The following CRYBG1 variants were observed in gnomAD, a reference collection of about 807,000 sequenced individuals.
CRYBG1 encodes beta/gamma crystallin domain-containing protein 1.
A neutral mutation model predicts 189.2 loss-of-function variants in CRYBG1; 139 were observed. The ratio of observed to expected loss-of-function variants is 0.73; its 90% confidence interval spans 0.64 to 0.85. CRYBG1 has a LOEUF of 0.85. Among genes scored for constraint, CRYBG1 ranks in the 40% least tolerant of loss-of-function variants. The pLI is 0.00. For synonymous variants in CRYBG1, 1,023 were observed against 1,017.1 expected (o/e 1.01, Z -0.11); for missense variants, 2,611 against 2,675.8 (o/e 0.98, Z 0.53).
chr6:106,552,582 C>CAAAAAAAAA (rs58470981), intron 15 of CRYBG1, among the ~76,000 whole-genome samples: 5 of 67,622 alleles, frequency 7.4e-5, no homozygotes, highest in Admixed American at 2.1e-4. Flanking sequence ...GACTCTGTCT[C>CAAAAAAAAA]AAAAAAAAAA....
chr6:106,427,884 T>G (rs1266534712), intron 1 of CRYBG1, among the ~76,000 whole-genome samples: 1 of 152,178 alleles, frequency 6.6e-6, no homozygotes, highest in East Asian at 1.9e-4. Flanking sequence ...ACGCTTGGCC[T>G]TTTTCACTTT....
chr6:106,470,180 C>G (rs546226519), intron 2 of CRYBG1, among the ~76,000 whole-genome samples: 2 of 152,138 alleles, frequency 1.3e-5, no homozygotes, highest in Non-Finnish European at 2.9e-5. Flanking sequence ...TTCTCAGAGC[C>G]AGGTGTGGTA....
chr6:106,419,926 G>A (rs960333144), intron 1 of CRYBG1, among the ~76,000 whole-genome samples: 1 of 152,180 alleles, frequency 6.6e-6, no homozygotes, highest in Non-Finnish European at 1.5e-5. Flanking sequence ...TTCAAATTGT[G>A]TATCTATAAA....
intron 1 of CRYBG1, among the ~76,000 whole-genome samples, chr6:106,385,639 T>A (rs1225815890): frequency 6.6e-6 from 1 of 152,232 alleles, no homozygotes; most frequent in Non-Finnish European, 1.5e-5. Flanking sequence ...CAAGAATTGT[T>A]GTTTCATTGT....
At chr6:106,546,429 C>T (rs143861743) in intron 13 of CRYBG1, among the ~76,000 whole-genome samples, 60 of 152,340 alleles carry the variant, frequency 3.9e-4, no homozygotes, top group African/African-American at 1.4e-3. Flanking sequence ...ATCCTAGCCT[C>T]AACCCCATTG....
chr6:106,385,046 T>C (rs1019084435), intron 1 of CRYBG1, among the ~76,000 whole-genome samples: 6 of 152,160 alleles, frequency 3.9e-5, no homozygotes, highest in African/African-American at 1.4e-4. Context: ...CAGATTGAGT[T>C]CATTGAGCAG....
chr6:106,497,414 G>A (rs1004362691), intron 2 of CRYBG1, among the ~76,000 whole-genome samples: 2 of 152,050 alleles, frequency 1.3e-5, no homozygotes, highest in African/African-American at 4.8e-5. Context: ...GTCCTTCATG[G>A]CTCATACTCC....
chr6:106,533,865 G>T (rs181415048), intron 8 of CRYBG1, among the ~76,000 whole-genome samples: 58 of 152,296 alleles, frequency 3.8e-4, no homozygotes, highest in Non-Finnish European at 3.1e-4. Flanking sequence ...GGAGAGGCTG[G>T]AGGCATAAAT....
chr6:106,481,471 T>C (rs1184888742), intron 2 of CRYBG1, among the ~76,000 whole-genome samples: 1 of 152,076 alleles, frequency 6.6e-6, no homozygotes, highest in Admixed American at 6.5e-5. Context: ...TCTCAGCCCT[T>C]CCTTTCCCTA....
At chr6:106,539,138 G>C (rs1396614151) in intron 8 of CRYBG1, among the ~76,000 whole-genome samples, 1 of 152,146 alleles carries the variant, frequency 6.6e-6, no homozygotes, top group African/African-American at 2.4e-5. Context: ...TGATTAGATG[G>C]AACTTTGGAG....
At chr6:106,536,021 TGATCC>T in intron 8 of CRYBG1, among the ~76,000 whole-genome samples, 10 of 886 alleles carry the variant, frequency 0.011, 5 homozygotes, top group East Asian at 0.077. Context: ...CCTGACCTCA[TGATCC>T]ACCCGCCTCG....
intron 17 of CRYBG1, among the ~76,000 whole-genome samples, chr6:106,556,464 TA>T (rs1170671980): frequency 6.6e-6 from 1 of 152,262 alleles, no homozygotes; most frequent in African/African-American, 2.4e-5. Context: ...AGAAATTCCT[TA>T]TAGGTTTTTA....
rs1770717255 is a variant in CRYBG1 at position 106,401,406 on chromosome 6, A to AAT, written c.173+40325_173+40326insAT. ...TGAATGATTCTTTTTTTTTTTTTTAATTTTCTTTTTTTATTATACTCTAAG... is the reference window on the plus strand; with the variant it reads ...TGAATGATTCTTTTTTTTTTTTTTAAATTTTTCTTTTTTTATTATACTCTAAG... On this transcript the variant is annotated intron_variant, in intron 1 of 21. Transcript: ENST00000633556. Among the ~76,000 whole-genome samples the AAT allele has an allele frequency of 1.6e-3, 102 of 64,460 alleles. 2 individuals are homozygous for AAT. The highest frequency in any genetic ancestry group is 5.8e-3 in the African/African-American group (102 of 17,674). 42.3% of individuals were successfully genotyped at this position (64,460 alleles called of 152,430 possible).
At chr6:106,556,286 T>C (rs1424055893) in intron 17 of CRYBG1, among the ~76,000 whole-genome samples, 1 of 152,252 alleles carries the variant, frequency 6.6e-6, no homozygotes, top group East Asian at 1.9e-4. Context: ...CTAATTTTTG[T>C]CAACTTGATA....
chr6:106,466,021 G>T (rs571218197), intron 2 of CRYBG1, among the ~76,000 whole-genome samples: 5 of 152,186 alleles, frequency 3.3e-5, no homozygotes, highest in African/African-American at 1.2e-4. Context: ...TGAATAGAAT[G>T]ATATTCAAGT....
intron 16 of CRYBG1, among the ~76,000 whole-genome samples, chr6:106,554,336 G>A (rs1247427483): frequency 6.6e-6 from 1 of 152,204 alleles, no homozygotes; most frequent in Non-Finnish European, 1.5e-5. Flanking sequence ...GATGGAGGCC[G>A]GGTGCAGTGG....
chr6:106,487,385 C>A (rs1772615340), intron 2 of CRYBG1, among the ~76,000 whole-genome samples: 1 of 152,084 alleles, frequency 6.6e-6, no homozygotes, highest in African/African-American at 2.4e-5. Context: ...TTTGTACTTC[C>A]ATGTGTTTTT....
intron 10 of CRYBG1, among the ~76,000 whole-genome samples, chr6:106,542,608 CATTTT>C (rs56795208): frequency 0.27 from 34,391 of 126,236 alleles, 5,546 homozygotes; most frequent in East Asian, 0.37. Context: ...ATGATTAGAA[CATTTT>C]ATTTTATTTT....
At chr6:106,521,734 T>TTTTTTA (rs1773617392) in intron 4 of CRYBG1, among the ~76,000 whole-genome samples, 2 of 145,946 alleles carry the variant, frequency 1.4e-5, no homozygotes, top group African/African-American at 5.1e-5. Flanking sequence ...TTTTTTTTTT[T>TTTTTTA]TTGAGACAGA....
Sources: gnomAD v4.1 joint callset for allele counts (sites outside exome capture counted in the v4.1 genomes callset) on GRCh38, gnomAD v4.1.1 for gene constraint, MANE v1.5 for transcripts, NCBI Gene and HGNC (gene_info 2026-07-23, HGNC 2026-07-21) for gene names.